The following NUP62 variants were observed in gnomAD, a reference collection of about 807,000 sequenced individuals.
NUP62 encodes the protein nuclear pore glycoprotein p62.
For synonymous variants in NUP62, 305 were observed against 303.4 expected (o/e 1.01, Z -0.05); for missense variants, 647 against 689.4 (o/e 0.94, Z 0.69).
intron 2 of NUP62, among the ~76,000 whole-genome samples, chr19:49,922,514 C>T (rs1268196538): frequency 6.6e-6 from 1 of 151,862 alleles, no homozygotes; most frequent in East Asian, 1.9e-4. Context: ...ACAGAGGGGA[C>T]CAGCCTCAAT....
intron 2 of NUP62, 48 bp from the exon 3 acceptor site, chr19:49,909,932 A>C: frequency 1.0e-6 from 1 of 997,050 alleles, no homozygotes; most frequent in South Asian, 1.4e-5. Context: ...TGGAAAGGCA[A>C]GCTCAGTGGC....
Position 49,924,038 on chromosome 19 carries a change from G to A in NUP62, c.-78+3656C>T, listed in dbSNP as rs187012429. Among the ~76,000 whole-genome samples, 81 of 152,350 alleles carry A rather than the reference G, an allele frequency of 5.3e-4. 1 individual carries two copies. Among genetic ancestry groups the A allele is most frequent in the Admixed American group, 3.9e-4 (6 of 15,306 alleles). ...TGAGGAGTTGCGGCAATAGCAGGGC[G>A]ATGGCACGGTGCAGGTGCAGGCAGG... On this transcript the variant is annotated intron_variant, in intron 2 of 2. Transcript: ENST00000352066.
intron 2 of NUP62, among the ~76,000 whole-genome samples, chr19:49,912,651 C>T (rs2075502735): frequency 6.6e-6 from 1 of 152,086 alleles, no homozygotes; most frequent in Non-Finnish European, 1.5e-5. Flanking sequence ...ATCGCTTGAG[C>T]CCAGGAACTC....
chr19:49,909,820 T>G lies in NUP62; in HGVS notation c.-13A>C, dbSNP rs960312376. On this transcript the variant is annotated 5_prime_UTR_variant, in exon 3 of 3. Coordinates refer to ENST00000352066, the MANE Select transcript of NUP62 (RefSeq NM_016553.5). ...TAAACCCGCTCATGGCTCCGGACTCTGGTGGCGGCAGCTACTCTGGCTCCC... is the reference window on the plus strand; with the variant it reads ...TAAACCCGCTCATGGCTCCGGACTCGGGTGGCGGCAGCTACTCTGGCTCCC... 1.2e-6 allele frequency: 2 copies of G among 1,613,560 alleles called. No homozygotes were observed. Among genetic ancestry groups the G allele is most frequent in the Non-Finnish European group, 1.7e-6 (2 of 1,179,848 alleles).
At chr19:49,916,493 G>A (rs1159528154) in intron 2 of NUP62, among the ~76,000 whole-genome samples, 2 of 151,590 alleles carry the variant, frequency 1.3e-5, no homozygotes, top group East Asian at 1.9e-4. Flanking sequence ...CAAAAATTAG[G>A]CCAGGCGCGG....
At chr19:49,915,311 G>A (rs1051621623) in intron 2 of NUP62, among the ~76,000 whole-genome samples, 21 of 152,178 alleles carry the variant, frequency 1.4e-4, no homozygotes, top group Middle Eastern at 3.2e-3. Context: ...TGACCACAGG[G>A]GTTCTTCAGG....
At chr19:49,915,813 C>T (rs1186498074) in intron 2 of NUP62, among the ~76,000 whole-genome samples, 1 of 152,212 alleles carries the variant, frequency 6.6e-6, no homozygotes, top group African/African-American at 2.4e-5. Flanking sequence ...CCTGCCAGGA[C>T]TGTGGATGTG....
intron 2 of NUP62, among the ~76,000 whole-genome samples, chr19:49,924,243 C>T (rs938442131): frequency 2.0e-5 from 3 of 152,092 alleles, no homozygotes; most frequent in Admixed American, 6.5e-5. Flanking sequence ...CTCTCGGGAC[C>T]TCAGTCTTGA....
chr19:49,925,503 C>A (rs2075866534), intron 2 of NUP62, among the ~76,000 whole-genome samples: 1 of 151,540 alleles, frequency 6.6e-6, no homozygotes, highest in Non-Finnish European at 1.5e-5. Context: ...ATCCCGCAAT[C>A]CCAGTCTGAG....
rs565372770 is a variant in NUP62 at position 49,907,351 on chromosome 19, G to A, written c.*888C>T. ...GGGCCAGGCAAAAGGCAGGCCTCTCGGCGCCCATCTGTGGTTCCTCAACAC... is the reference window on the plus strand; with the variant it reads ...GGGCCAGGCAAAAGGCAGGCCTCTCAGCGCCCATCTGTGGTTCCTCAACAC... On this transcript the variant is annotated 3_prime_UTR_variant, in exon 3 of 3. Transcript: ENST00000352066. The A allele has an allele frequency of 2.6e-5, 8 of 312,764 alleles. No individual in the cohort carries two copies. In the Admixed American group the frequency reaches 2.9e-4, roughly 11 times the overall value. 19.4% of individuals were successfully genotyped at this position (312,764 alleles called of 1,614,324 possible). A position where few individuals can be genotyped will look rare whatever the true frequency, so the allele number is the denominator to read the frequency against.
At chr19:49,915,796 G>A (rs1172979030) in intron 2 of NUP62, among the ~76,000 whole-genome samples, 2 of 152,144 alleles carry the variant, frequency 1.3e-5, no homozygotes, top group Admixed American at 6.5e-5. Flanking sequence ...CCTGGTGCTG[G>A]GGCAACCCTG....
chr19:49,924,818 G>C (rs2122760197), intron 2 of NUP62, among the ~76,000 whole-genome samples: 1 of 152,314 alleles, frequency 6.6e-6, no homozygotes, highest in African/African-American at 2.4e-5. Context: ...AGTCTGGCTG[G>C]GCTGAAGTGG....
At chr19:49,918,897 G>GGC (rs2075692081) in intron 2 of NUP62, among the ~76,000 whole-genome samples, 2 of 10,544 alleles carry the variant, frequency 1.9e-4, no homozygotes, top group South Asian at 2.5e-3. Flanking sequence ...TGGGAGGCTG[G>GGC]GGGGGGGGGG....
chr19:49,909,918 G>T, intron 2 of NUP62, 34 bp from the exon 3 acceptor site: 1 of 1,224,288 alleles, frequency 8.2e-7, no homozygotes, highest in East Asian at 2.5e-5. Flanking sequence ...TCAGATGGCA[G>T]TTTTGGAAAG....
At chr19:49,925,651 C>T (rs1600565447) in intron 2 of NUP62, among the ~76,000 whole-genome samples, 1 of 152,064 alleles carries the variant, frequency 6.6e-6, no homozygotes, top group Non-Finnish European at 1.5e-5. Context: ...CTAAATATAA[C>T]GTGGCATCCT....
rs548980353 is a variant in NUP62, at chr19:49,907,400, T to C, written c.*839A>G. The C allele has an allele frequency of 2.5e-3, 960 of 383,200 alleles. 3 individuals carry two copies. Among genetic ancestry groups the C allele is most frequent in the Non-Finnish European group, 4.2e-3 (849 of 199,866 alleles). 23.7% of individuals were successfully genotyped at this position (383,200 alleles called of 1,614,324 possible). A position where few individuals can be genotyped will look rare whatever the true frequency, so the allele number is the denominator to read the frequency against. ...ACCCTGTGTGTGCAGGCCCCTCAGC[T>C]GACCTGTCTTCTGTGAAATTCTTGA... is the stretch of plus-strand genomic sequence containing the variant. On this transcript the variant is annotated 3_prime_UTR_variant, in exon 3 of 3. Transcript: ENST00000352066.
intron 2 of NUP62, among the ~76,000 whole-genome samples, chr19:49,927,272 C>G (rs1253271169): frequency 6.6e-6 from 1 of 152,110 alleles, no homozygotes; most frequent in Admixed American, 6.6e-5. Context: ...AAGTTTTGAA[C>G]TCATATAATC....
At chr19:49,926,769 A>G (rs2075901302) in intron 2 of NUP62, among the ~76,000 whole-genome samples, 1 of 152,148 alleles carries the variant, frequency 6.6e-6, no homozygotes. Flanking sequence ...ACTTTTATGC[A>G]GCACCTACTG....
At chr19:49,913,170 A>G (rs1485644539) in intron 2 of NUP62, 2 of 152,434 alleles carry the variant, frequency 1.3e-5, no homozygotes, top group Non-Finnish European at 2.9e-5. Context: ...CTGTGTGAAG[A>G]CAGGGAGGCC....
Sources: gnomAD v4.1 joint callset for allele counts (sites outside exome capture counted in the v4.1 genomes callset) on GRCh38, gnomAD v4.1.1 for gene constraint, MANE v1.5 for transcripts, NCBI Gene and HGNC (gene_info 2026-07-23, HGNC 2026-07-21) for gene names.